Variants in ZNF385D observed in about 807,000 individuals in gnomAD.
The protein encoded by ZNF385D is zinc finger protein 659.
ZNF385D carries 15 observed loss-of-function variants against 35.8 expected under a neutral mutation model. The observed-to-expected ratio is 0.42, with a 90% CI of 0.28 to 0.64. ZNF385D has a LOEUF of 0.64. Among genes scored for constraint, ZNF385D ranks in the 30% least tolerant of loss-of-function variants. The pLI, the probability that ZNF385D is intolerant of heterozygous loss-of-function variation, is 0.23. For missense variants in ZNF385D, 474 were observed against 494.6 expected (o/e 0.96, Z 0.39); for synonymous variants, 212 against 186.8 (o/e 1.13, Z -1.10).
At chr3:22,267,350 A>G (rs1474902974) in intron 2 of ZNF385D, among the ~76,000 whole-genome samples, 1 of 151,888 alleles carries the variant, frequency 6.6e-6, no homozygotes, top group Non-Finnish European at 1.5e-5. Flanking sequence ...TCTACTTTCT[A>G]ACCAAATGTT....
At chr3:22,058,311 T>C (rs1426376527) in intron 3 of ZNF385D, among the ~76,000 whole-genome samples, 1 of 152,202 alleles carries the variant, frequency 6.6e-6, no homozygotes, top group Non-Finnish European at 1.5e-5. Flanking sequence ...GAATTTGATA[T>C]TAGCTAATTC....
At chr3:21,472,025 C>T (rs1353589090) in intron 4 of ZNF385D, among the ~76,000 whole-genome samples, 2 of 152,112 alleles carry the variant, frequency 1.3e-5, no homozygotes, top group Non-Finnish European at 2.9e-5. Flanking sequence ...TCTTGAAATA[C>T]ATTCAACACA....
intron 3 of ZNF385D, among the ~76,000 whole-genome samples, chr3:22,113,059 C>A (rs114393804): frequency 6.6e-6 from 1 of 151,900 alleles, no homozygotes; most frequent in Non-Finnish European, 1.5e-5. Flanking sequence ...TAGATTGGAC[C>A]CAAAGTGACA....
At chr3:21,679,781 T>C (rs982960037) in intron 1 of ZNF385D, among the ~76,000 whole-genome samples, 8 of 152,048 alleles carry the variant, frequency 5.3e-5, no homozygotes, top group African/African-American at 1.9e-4. Context: ...CCAAGCGACT[T>C]ACTTGATTGA....
chr3:22,109,269 C>G (rs965089722), intron 3 of ZNF385D, among the ~76,000 whole-genome samples: 2 of 152,072 alleles, frequency 1.3e-5, no homozygotes, highest in Non-Finnish European at 2.9e-5. Flanking sequence ...CTTATCAACT[C>G]AATAATAATT....
At chr3:22,015,982 G>T (rs558604770) in intron 3 of ZNF385D, among the ~76,000 whole-genome samples, 1 of 152,110 alleles carries the variant, frequency 6.6e-6, no homozygotes, top group African/African-American at 2.4e-5. Context: ...CAAACCAAAA[G>T]AGTAAGGGAG....
chr3:21,477,060 C>T (rs571090577), intron 4 of ZNF385D, among the ~76,000 whole-genome samples: 1 of 152,228 alleles, frequency 6.6e-6, no homozygotes, highest in East Asian at 1.9e-4. Context: ...TTTCTTGTGC[C>T]TAATACACTA....
intron 3 of ZNF385D, among the ~76,000 whole-genome samples, chr3:21,864,141 G>A (rs1231399843): frequency 1.3e-5 from 2 of 152,058 alleles, no homozygotes; most frequent in African/African-American, 2.4e-5. Context: ...TACACAAAGG[G>A]TTCATTTTAC....
At chr3:22,072,899 C>A (rs1700295348) in intron 3 of ZNF385D, among the ~76,000 whole-genome samples, 1 of 151,946 alleles carries the variant, frequency 6.6e-6, no homozygotes, top group Non-Finnish European at 1.5e-5. Flanking sequence ...AATTGAGATT[C>A]CCGGGAAGAT....
rs376419466 is a variant in ZNF385D at position 21,866,505 on chromosome 3, C to T, written c.326-201477G>A. Among the ~76,000 whole-genome samples, 104 of 152,230 alleles carry T rather than the reference C, an allele frequency of 6.8e-4. 2 individuals carry two copies. In the South Asian group the frequency reaches 0.02, roughly 29 times the overall value. On this transcript the variant is annotated intron_variant, in intron 3 of 5. Coordinates refer to the ZNF385D transcript ENST00000494108. ...TTATGAGGGCACCGCTATTGATCTACGGATATTGTTCTCAAACTGGTTTGC... is the reference window on the plus strand; with the variant it reads ...TTATGAGGGCACCGCTATTGATCTATGGATATTGTTCTCAAACTGGTTTGC...
intron 6 of ZNF385D, among the ~76,000 whole-genome samples, chr3:21,425,159 C>A (rs1700960151): frequency 2.0e-5 from 3 of 152,164 alleles, no homozygotes; most frequent in African/African-American, 4.8e-5. Flanking sequence ...AAAATCAACA[C>A]TTTTGAGTGG....
intron 3 of ZNF385D, among the ~76,000 whole-genome samples, chr3:21,921,179 C>G (rs1255419522): frequency 9.6e-5 from 14 of 145,110 alleles, no homozygotes; most frequent in African/African-American, 3.6e-4. Flanking sequence ...GCCGAGATCG[C>G]GCCACCGCAC....
chr3:21,533,808 A>C (rs1364853887), intron 3 of ZNF385D, among the ~76,000 whole-genome samples: 1 of 152,142 alleles, frequency 6.6e-6, no homozygotes, highest in African/African-American at 2.4e-5. Flanking sequence ...ACTGTAAGGC[A>C]GAGTTAAATT....
Position 22,325,193 on chromosome 3 carries a change from G to A in ZNF385D, c.106+47257C>T, listed in dbSNP as rs146217753. ...GGAAGTCCAGGTGTTTTGTCCTTGA[G>A]TTTTATTAGATAACTGTTCTACAAA... On this transcript the variant is annotated intron_variant, in intron 2 of 5. Coordinates refer to the ZNF385D transcript ENST00000494108. 3.3e-5 allele frequency among the ~76,000 whole-genome samples: 5 copies of A among 152,276 alleles called. No homozygotes were observed. The East Asian group carries it at 9.6e-4, about 29-fold the overall frequency.
At chr3:22,091,271 C>A (rs1255516213) in intron 3 of ZNF385D, among the ~76,000 whole-genome samples, 3 of 152,104 alleles carry the variant, frequency 2.0e-5, no homozygotes, top group Admixed American at 2.0e-4. Flanking sequence ...ATAAACCAGT[C>A]CAGCATGATA....
intron 2 of ZNF385D, among the ~76,000 whole-genome samples, chr3:22,268,745 A>G (rs996610165): frequency 6.6e-6 from 1 of 152,040 alleles, no homozygotes; most frequent in African/African-American, 2.4e-5. Context: ...AAATGAAAGT[A>G]TGCATGTAAG....
intron 1 of ZNF385D, among the ~76,000 whole-genome samples, chr3:21,688,253 T>C (rs924933554): frequency 6.6e-6 from 1 of 152,202 alleles, no homozygotes; most frequent in African/African-American, 2.4e-5. Context: ...ATCTTAAATA[T>C]ACTTCTAAAA....
intron 3 of ZNF385D, among the ~76,000 whole-genome samples, chr3:22,070,157 T>C (rs1242350068): frequency 6.6e-6 from 1 of 152,170 alleles, no homozygotes; most frequent in Non-Finnish European, 1.5e-5. Flanking sequence ...GATAAGCATC[T>C]TATTTTCTAA....
intron 3 of ZNF385D, among the ~76,000 whole-genome samples, chr3:21,546,262 T>G (rs113890696): frequency 3.3e-5 from 5 of 152,226 alleles, no homozygotes; most frequent in African/African-American, 1.2e-4. Flanking sequence ...ACTAACAGGA[T>G]GAGTAATGTA....
Sources: gnomAD v4.1 joint callset for allele counts (sites outside exome capture counted in the v4.1 genomes callset) on GRCh38, gnomAD v4.1.1 for gene constraint, MANE v1.5 for transcripts, NCBI Gene and HGNC (gene_info 2026-07-23, HGNC 2026-07-21) for gene names.